Variants in SCFD2 observed in about 807,000 individuals in gnomAD.
SCFD2 encodes the protein sec1 family domain containing 2.
Under a neutral mutation model 58.9 loss-of-function variants are expected in SCFD2, and 54 were observed. The observed-to-expected ratio is 0.92, with a 90% confidence interval of 0.74 to 1.15. The LOEUF (loss-of-function observed/expected upper bound fraction) is 1.15, where lower values mean the gene tolerates loss of function less well. SCFD2 is among the 50% of genes most tolerant of loss of function. The pLI is 0.00. For missense variants in SCFD2, 805 were observed against 836.6 expected, an observed-to-expected ratio of 0.96 and a Z score of 0.47; for synonymous variants, 321 against 335.9, an observed-to-expected ratio of 0.96 and a Z score of 0.49.
At chr4:53,250,974 T>A (rs888551356) in intron 4 of SCFD2, among the ~76,000 whole-genome samples, 2 of 151,974 alleles carry the variant, frequency 1.3e-5, no homozygotes, top group African/African-American at 4.8e-5. Context: ...TTTGAAAAGA[T>A]CAACAAACTT....
chr4:53,239,218 C>T (rs934829380), intron 4 of SCFD2, among the ~76,000 whole-genome samples: 6 of 151,980 alleles, frequency 3.9e-5, no homozygotes, highest in African/African-American at 1.4e-4. Flanking sequence ...GGCGTGGCGG[C>T]GCGAGTCTGC....
intron 5 of SCFD2, among the ~76,000 whole-genome samples, chr4:53,084,981 C>T (rs187842064): frequency 4.1e-4 from 63 of 152,308 alleles, no homozygotes; most frequent in Admixed American, 7.2e-4. Context: ...TGGAACACAA[C>T]AAGGATATCC....
chr4:53,318,728 GTT>G, intron 2 of SCFD2, among the ~76,000 whole-genome samples: 1 of 145,130 alleles, frequency 6.9e-6, no homozygotes, highest in Admixed American at 6.9e-5. Context: ...TAAAAGAGTT[GTT>G]TTTTTTTTTC....
At chr4:53,294,504 ATTTG>A (rs2149089732) in intron 3 of SCFD2, among the ~76,000 whole-genome samples, 1 of 152,134 alleles carries the variant, frequency 6.6e-6, no homozygotes, top group South Asian at 2.1e-4. Flanking sequence ...TTTCTTGTAA[ATTTG>A]TTTAAGTTAT....
chr4:52,989,028 T>C (rs1272136381), intron 5 of SCFD2, among the ~76,000 whole-genome samples: 1 of 152,216 alleles, frequency 6.6e-6, no homozygotes, highest in East Asian at 1.9e-4. Context: ...AAAGTGGCAG[T>C]ATCTCCATTT....
intron 5 of SCFD2, among the ~76,000 whole-genome samples, chr4:53,051,915 A>T (rs1305638768): frequency 2.0e-5 from 3 of 152,194 alleles, no homozygotes; most frequent in Non-Finnish European, 2.9e-5. Context: ...AAAAAATGAG[A>T]TGAGGCCATT....
rs572275447 is a variant in SCFD2, at chr4:53,111,866, A to G, written c.1561+33467T>C. On this transcript the variant is annotated intron_variant, in intron 5 of 8. Transcript: ENST00000401642. ...TCTATTATTGAGTGTATTAGGGAGT[A>G]ACTGCATGCTTGGCACCATGATAAA... 2.0e-5 allele frequency among the ~76,000 whole-genome samples: 3 copies of G among 152,288 alleles called. No individual in the cohort carries two copies. The East Asian group carries it at 5.8e-4, about 29-fold the overall frequency.
chr4:53,297,470 T>A (rs558826506), intron 3 of SCFD2, among the ~76,000 whole-genome samples: 3 of 152,088 alleles, frequency 2.0e-5, no homozygotes, highest in Non-Finnish European at 4.4e-5. Context: ...TTGGTTTTTT[T>A]TTTGTTTGTT....
intron 7 of SCFD2, among the ~76,000 whole-genome samples, chr4:52,905,631 T>C (rs917070652): frequency 1.3e-5 from 2 of 152,182 alleles, no homozygotes; most frequent in Non-Finnish European, 2.9e-5. Context: ...TGGCAGAGCA[T>C]TTTGTCACGA....
intron 4 of SCFD2, among the ~76,000 whole-genome samples, chr4:53,166,619 A>G (rs917197717): frequency 6.6e-6 from 1 of 152,212 alleles, no homozygotes; most frequent in African/African-American, 2.4e-5. Flanking sequence ...GCTAGTGAAA[A>G]TGAGGAAGAA....
At chr4:53,350,698 G>A (rs894261356) in intron 2 of SCFD2, among the ~76,000 whole-genome samples, 1 of 152,186 alleles carries the variant, frequency 6.6e-6, no homozygotes, top group South Asian at 2.1e-4. Context: ...TAAGACAGTG[G>A]CTCAAAAGTC....
chr4:53,034,929 C>T (rs1015971320), intron 5 of SCFD2, among the ~76,000 whole-genome samples: 1 of 152,172 alleles, frequency 6.6e-6, no homozygotes, highest in Non-Finnish European at 1.5e-5. Context: ...AATGCTATCC[C>T]CATCAAGCCT....
At chr4:52,916,787 A>C (rs1719621601) in intron 6 of SCFD2, among the ~76,000 whole-genome samples, 1 of 152,190 alleles carries the variant, frequency 6.6e-6, no homozygotes, top group Non-Finnish European at 1.5e-5. Flanking sequence ...GAAAAGATAA[A>C]ATGTTGCAAA....
At chr4:52,959,037 A>G (rs1300585252) in intron 5 of SCFD2, among the ~76,000 whole-genome samples, 23 of 152,186 alleles carry the variant, frequency 1.5e-4, no homozygotes, top group Admixed American at 1.5e-3. Context: ...TTAGAGAGGA[A>G]AAGTAATTTG....
chr4:53,349,477 C>T (rs1046487201), intron 2 of SCFD2, among the ~76,000 whole-genome samples: 18 of 152,202 alleles, frequency 1.2e-4, no homozygotes, highest in African/African-American at 4.3e-4. Flanking sequence ...AGTTATCAGA[C>T]TCAATATGTC....
intron 4 of SCFD2, among the ~76,000 whole-genome samples, chr4:53,261,210 G>C (rs1730818575): frequency 6.6e-6 from 1 of 151,728 alleles, no homozygotes; most frequent in African/African-American, 2.4e-5. Context: ...TTGTTTGTTT[G>C]CTTGTTTGTT....
chr4:53,236,834 T>G (rs1054274912), intron 4 of SCFD2, among the ~76,000 whole-genome samples: 2 of 140,758 alleles, frequency 1.4e-5, no homozygotes, highest in Admixed American at 6.9e-5. Context: ...ATTTATTTAT[T>G]TATTTATTTA....
At chr4:53,176,195 C>T (rs1727322912) in intron 4 of SCFD2, among the ~76,000 whole-genome samples, 2 of 152,154 alleles carry the variant, frequency 1.3e-5, no homozygotes, top group Admixed American at 6.5e-5. Flanking sequence ...TACATTATAG[C>T]CTACCTACAA....
chr4:53,150,628 G>A (rs367619404), intron 4 of SCFD2, among the ~76,000 whole-genome samples: 25 of 152,166 alleles, frequency 1.6e-4, no homozygotes, highest in African/African-American at 5.1e-4. Context: ...TAATATGCTT[G>A]GGTTTCAATC....
Sources: allele counts gnomAD v4.1 joint callset (sites outside exome capture counted in the v4.1 genomes callset), GRCh38; gene constraint gnomAD v4.1.1; transcripts MANE v1.5; gene names NCBI Gene and HGNC (gene_info 2026-07-23, HGNC 2026-07-21).